Variants in PCDH15 observed in about 807,000 individuals in gnomAD.
PCDH15 encodes the protein protocadherin related 15.
A neutral mutation model predicts 178.5 loss-of-function variants in PCDH15; 129 were observed. That is an observed-to-expected ratio of 0.72 (90% CI 0.63 to 0.84). The LOEUF (loss-of-function observed/expected upper bound fraction) is 0.84, where lower values mean the gene tolerates loss of function less well. PCDH15 is among the 40% of genes least tolerant of loss of function. The pLI is 0.00. For synonymous variants in PCDH15, 800 were observed against 732.0 expected (o/e 1.09, Z -1.50); for missense variants, 2,230 against 2,099.9 (o/e 1.06, Z -1.21).
chr10:55,612,403 T>C (rs1186560227), intron 2 of PCDH15, among the ~76,000 whole-genome samples: 7 of 152,098 alleles, frequency 4.6e-5, no homozygotes, highest in Non-Finnish European at 1.0e-4. Flanking sequence ...TCCTGAAAAT[T>C]AAAATTGAAT....
chr10:53,836,993 T>G (rs540477215), intron 29 of PCDH15, among the ~76,000 whole-genome samples: 1 of 152,250 alleles, frequency 6.6e-6, no homozygotes, highest in Admixed American at 6.5e-5. Flanking sequence ...GAAGAATTTC[T>G]TCAGTGAGTT....
chr10:55,513,644 C>T (rs920309696), intron 2 of PCDH15, among the ~76,000 whole-genome samples: 1 of 151,894 alleles, frequency 6.6e-6, no homozygotes, highest in South Asian at 2.1e-4. Context: ...AACCTATATA[C>T]TTTTTATTAA....
intron 2 of PCDH15, among the ~76,000 whole-genome samples, chr10:55,399,696 GA>G (rs1420676173): frequency 6.6e-6 from 1 of 152,116 alleles, no homozygotes; most frequent in Non-Finnish European, 1.5e-5. Context: ...TGATATATGA[GA>G]GGGGGTCTCT....
At chr10:54,194,862 A>G (rs1026162452) in intron 11 of PCDH15, among the ~76,000 whole-genome samples, 1 of 152,146 alleles carries the variant, frequency 6.6e-6, no homozygotes, top group Non-Finnish European at 1.5e-5. Context: ...AACTTAAAAG[A>G]CAGGCACTCA....
At chr10:54,543,163 C>T (rs926582869) in intron 2 of PCDH15, among the ~76,000 whole-genome samples, 10 of 152,150 alleles carry the variant, frequency 6.6e-5, no homozygotes, top group Admixed American at 1.3e-4. Flanking sequence ...TCTGGCTCCC[C>T]CATTGGCTGA....
intron 10 of PCDH15, among the ~76,000 whole-genome samples, chr10:54,213,047 G>A (rs1014679038): frequency 1.3e-5 from 2 of 151,934 alleles, no homozygotes; most frequent in Admixed American, 1.3e-4. Flanking sequence ...TTTTCCTTTA[G>A]TATGTTTACA....
chr10:53,883,375 T>C (rs1158607265), intron 26 of PCDH15, among the ~76,000 whole-genome samples: 1 of 152,166 alleles, frequency 6.6e-6, no homozygotes, highest in Non-Finnish European at 1.5e-5. Flanking sequence ...ATCATAATGA[T>C]CAGGTAAAAT....
chr10:55,587,251 T>C (rs1360850304), intron 2 of PCDH15, among the ~76,000 whole-genome samples: 1 of 152,130 alleles, frequency 6.6e-6, no homozygotes, highest in African/African-American at 2.4e-5. Context: ...ATGTTCAATA[T>C]AGTAAAGATG....
intron 2 of PCDH15, among the ~76,000 whole-genome samples, chr10:55,529,557 T>C (rs917727296): frequency 2.6e-5 from 4 of 151,454 alleles, no homozygotes; most frequent in African/African-American, 9.7e-5. Flanking sequence ...TATTTACAAA[T>C]CCATGTGAGA....
At chr10:53,972,136 C>G (rs1005823004) in intron 21 of PCDH15, among the ~76,000 whole-genome samples, 2 of 152,048 alleles carry the variant, frequency 1.3e-5, no homozygotes, top group African/African-American at 2.4e-5. Flanking sequence ...TAATACCACA[C>G]ATTTACAACC....
At chr10:54,440,452 T>C (rs1476850801) in intron 3 of PCDH15, among the ~76,000 whole-genome samples, 1 of 151,928 alleles carries the variant, frequency 6.6e-6, no homozygotes, top group African/African-American at 2.4e-5. Context: ...AAAATTCTTT[T>C]CCTTATGATT....
intron 2 of PCDH15, among the ~76,000 whole-genome samples, chr10:55,112,726 G>A (rs537436523): frequency 6.2e-4 from 94 of 152,182 alleles, no homozygotes; most frequent in Non-Finnish European, 1.2e-3. Flanking sequence ...TGCATATCAG[G>A]CACCTACTTA....
intron 21 of PCDH15, among the ~76,000 whole-genome samples, chr10:53,982,185 G>T (rs1177545270): frequency 6.6e-6 from 1 of 152,170 alleles, no homozygotes; most frequent in Non-Finnish European, 1.5e-5. Context: ...TGCTGGAAAG[G>T]ATGTGGAGAA....
intron 8 of PCDH15, among the ~76,000 whole-genome samples, chr10:54,241,311 G>A (rs2055266315): frequency 6.6e-6 from 1 of 152,124 alleles, no homozygotes; most frequent in Admixed American, 6.5e-5. Flanking sequence ...GAGGAAGTAC[G>A]GTATGTGTTG....
At chr10:55,024,343 A>G (rs1048913981) in intron 2 of PCDH15, among the ~76,000 whole-genome samples, 13 of 148,090 alleles carry the variant, frequency 8.8e-5, no homozygotes, top group African/African-American at 3.2e-4. Context: ...ATATATAGGA[A>G]GAAATATATA....
chr10:55,008,362 T>C (rs1186120553), intron 2 of PCDH15, among the ~76,000 whole-genome samples: 1 of 152,208 alleles, frequency 6.6e-6, no homozygotes, highest in Non-Finnish European at 1.5e-5. Context: ...AAGCAGACTC[T>C]TGAGATCAGC....
At chr10:54,677,983 T>C (rs2094823106) in intron 1 of PCDH15, among the ~76,000 whole-genome samples, 1 of 152,180 alleles carries the variant, frequency 6.6e-6, no homozygotes, top group Non-Finnish European at 1.5e-5. Context: ...AGTATCTTCC[T>C]GCCTAGAAAA....
At position 55,393,487 on chromosome 10, in the gene PCDH15, A is replaced by G. The variant is rs905184464; in HGVS notation, c.-155-226836T>C. ...AGGGGAGAATGAACCCCCATGTAAC[A>G]ACTGTAAACTGAGAGACCAAAACAG... is the stretch of plus-strand genomic sequence containing the variant. On this transcript the variant is annotated intron_variant, in intron 2 of 5. Coordinates refer to the PCDH15 transcript ENST00000613346. Among the ~76,000 whole-genome samples, 5 of 152,166 alleles carry G rather than the reference A, an allele frequency of 3.3e-5. No individual in the cohort carries two copies. The East Asian group carries it at 7.7e-4, about 23-fold the overall frequency.
At chr10:53,883,838 C>T (rs1471632341) in intron 26 of PCDH15, among the ~76,000 whole-genome samples, 1 of 152,150 alleles carries the variant, frequency 6.6e-6, no homozygotes, top group African/African-American at 2.4e-5. Flanking sequence ...GCCTCAGCCT[C>T]CCGAGTAGCT....
Sources: gnomAD v4.1 joint callset for allele counts (sites outside exome capture counted in the v4.1 genomes callset) on GRCh38, gnomAD v4.1.1 for gene constraint, MANE v1.5 for transcripts, NCBI Gene and HGNC (gene_info 2026-07-23, HGNC 2026-07-21) for gene names.